Variants in PLXDC1 observed in about 807,000 individuals in gnomAD.
PLXDC1 encodes the protein plexin domain containing 1.
Under a neutral mutation model 61.3 loss-of-function variants are expected in PLXDC1, and 39 were observed. The ratio of observed to expected loss-of-function variants is 0.64; its 90% confidence interval spans 0.49 to 0.83. PLXDC1 has a LOEUF of 0.83. Ranked by LOEUF, PLXDC1 falls within the 40% of genes least tolerant of loss-of-function variation. PLXDC1 has a pLI of 0.00. For missense variants in PLXDC1, 596 were observed against 666.5 expected, an observed-to-expected ratio of 0.89 and a Z score of 1.17; for synonymous variants, 212 against 254.5, an observed-to-expected ratio of 0.83 and a Z score of 1.59.
Position 39,087,656 on chromosome 17 carries a change from G to C in PLXDC1, c.858C>G (p.Asp286Glu), listed in dbSNP as rs200793465. 3.1e-6 allele frequency: 5 copies of C among 1,614,124 alleles called. No homozygotes were observed. Among genetic ancestry groups the C allele is most frequent in the Middle Eastern group, 3.3e-4 (2 of 6,062 alleles). The change falls in exon 8 of 14, where the codon GAC becomes GAG. Residue 286 changes from aspartate to glutamate, a missense_variant. By Grantham distance (45) the Asp-to-Glu change is conservative. Coordinates refer to ENST00000315392, the MANE Select transcript of PLXDC1 (RefSeq NM_020405.5). ...CCGACATGCTGGTGACCTTGCTGGGGTCCAGCTCTATGCGGTGATATTCAA... is the reference window on the plus strand; with the variant it reads ...CCGACATGCTGGTGACCTTGCTGGGCTCCAGCTCTATGCGGTGATATTCAA... ...SIFEYHRIEL[D>E]PSKVTSMSAV... is the part of the protein sequence containing the mutation.
chr17:39,145,400 T>G (rs555207689), intron 1 of PLXDC1, among the ~76,000 whole-genome samples: 1 of 152,238 alleles, frequency 6.6e-6, no homozygotes, highest in African/African-American at 2.4e-5. Context: ...CATCCTCATC[T>G]CACCCAACAC....
At chr17:39,108,691 C>A in intron 4 of PLXDC1, 1 of 588,316 alleles carries the variant, frequency 1.7e-6, no homozygotes, top group East Asian at 2.9e-5. Context: ...CGAGGAGACA[C>A]ACACGTGCAG....
At chr17:39,099,652 A>T (rs11079077) in intron 7 of PLXDC1, among the ~76,000 whole-genome samples, 1 of 151,956 alleles carries the variant, frequency 6.6e-6, no homozygotes, top group African/African-American at 2.4e-5. Context: ...TAAATGGAGA[A>T]GATCTGGACT....
chr17:39,088,975 GAAAA>G (rs34514199), intron 7 of PLXDC1, among the ~76,000 whole-genome samples: 7 of 122,540 alleles, frequency 5.7e-5, no homozygotes, highest in Non-Finnish European at 7.0e-5. Flanking sequence ...GAGAGAGAGA[GAAAA>G]AGAAAGAAAG....
Position 39,109,407 on chromosome 17 carries a change from A to G in PLXDC1, c.256-16T>C, listed in dbSNP as rs1475360302. 4 of 1,571,308 alleles carry G rather than the reference A, an allele frequency of 2.5e-6. No individual in the cohort carries two copies. The highest frequency in any genetic ancestry group is 2.3e-5 in the East Asian group (1 of 43,260). ...GGTTGTCCTCCTGCCGGCACCCAAG[A>G]TAAAGCCCACAGGAGGTGTGAGTAG... On this transcript the variant is annotated splice_polypyrimidine_tract_variant and intron_variant, in intron 2 of 13. Transcript: ENST00000315392.
At chr17:39,103,260 G>A (rs922985042) in intron 7 of PLXDC1, among the ~76,000 whole-genome samples, 2 of 151,890 alleles carry the variant, frequency 1.3e-5, no homozygotes, top group African/African-American at 2.4e-5. Context: ...TGGGCTCAGT[G>A]ACCCAGGCCA....
chr17:39,091,705 C>G (rs147017398), intron 7 of PLXDC1, among the ~76,000 whole-genome samples: 2 of 152,168 alleles, frequency 1.3e-5, no homozygotes, highest in African/African-American at 4.8e-5. Flanking sequence ...CACCTGTAAT[C>G]TCAGCATTTT....
intron 7 of PLXDC1, among the ~76,000 whole-genome samples, chr17:39,100,853 G>T (rs528755891): frequency 6.6e-6 from 1 of 152,222 alleles, no homozygotes; most frequent in African/African-American, 2.4e-5. Flanking sequence ...GACTGGGAGC[G>T]CAGGGGGCTA....
intron 7 of PLXDC1, among the ~76,000 whole-genome samples, chr17:39,093,897 A>G (rs1375772469): frequency 6.6e-6 from 1 of 152,198 alleles, no homozygotes; most frequent in African/African-American, 2.4e-5. Context: ...GGAACCCTCC[A>G]TGGAAAGCTG....
At chr17:39,079,338 G>A (rs1015739167) in intron 9 of PLXDC1, 174 bp from the exon 10 acceptor site, 5 of 639,030 alleles carry the variant, frequency 7.8e-6, no homozygotes, top group Non-Finnish European at 1.2e-5. Flanking sequence ...GGTATTTGTG[G>A]CATCCCTGCC....
chr17:39,151,579 G>C lies in PLXDC1; in HGVS notation c.-142C>G. On this transcript the variant is annotated 5_prime_UTR_variant, in exon 1 of 14. Coordinates refer to ENST00000315392, the MANE Select transcript of PLXDC1 (RefSeq NM_020405.5). The surrounding 1 kb of genome is among the most constrained non-coding windows in gnomAD (Gnocchi z 5.2). ...AGGAGACGGCGGAGCGCGGGGCCGG[G>C]CGAGCCGGCAGGAGCGGCGAGAGCG... The C allele has an allele frequency of 8.5e-7, 1 of 1,182,270 alleles. No individual in the cohort carries two copies. The highest frequency in any genetic ancestry group is 1.0e-6 in the Non-Finnish European group (1 of 955,874). 73.2% of individuals were successfully genotyped at this position (1,182,270 alleles called of 1,614,324 possible).
intron 7 of PLXDC1, chr17:39,096,867 G>A: frequency 4.3e-6 from 2 of 469,550 alleles, no homozygotes; most frequent in South Asian, 3.1e-5. Context: ...CAGCCACATA[G>A]CGGATACACT....
chr17:39,084,969 C>T (rs1486242195), intron 8 of PLXDC1, among the ~76,000 whole-genome samples: 2 of 152,214 alleles, frequency 1.3e-5, no homozygotes, highest in Non-Finnish European at 2.9e-5. Flanking sequence ...GACAGGCACT[C>T]ACCCAGAACA....
intron 7 of PLXDC1, among the ~76,000 whole-genome samples, chr17:39,104,574 A>G (rs1910530814): frequency 6.6e-6 from 1 of 152,174 alleles, no homozygotes; most frequent in South Asian, 2.1e-4. Flanking sequence ...GTGTGAGTTC[A>G]GGAGTTTGAG....
chr17:39,100,507 G>A (rs1216345738), intron 7 of PLXDC1, among the ~76,000 whole-genome samples: 1 of 152,154 alleles, frequency 6.6e-6, no homozygotes, highest in Admixed American at 6.5e-5. Flanking sequence ...CCCCTGCCTT[G>A]GCCTCCCAAA....
intron 2 of PLXDC1, among the ~76,000 whole-genome samples, chr17:39,122,198 T>A (rs1420369418): frequency 6.8e-6 from 1 of 147,528 alleles, no homozygotes; most frequent in African/African-American, 2.5e-5. Flanking sequence ...AAGTCAGGAG[T>A]TTGAGACCAG....
intron 2 of PLXDC1, among the ~76,000 whole-genome samples, chr17:39,128,141 A>ATATATATATG (rs1911401066): frequency 8.8e-6 from 1 of 113,260 alleles, no homozygotes; most frequent in Non-Finnish European, 1.7e-5. Flanking sequence ...ATATATATGT[A>ATATATATATG]TATATATGTG....
At chr17:39,106,121 C>T (rs1989955) in intron 6 of PLXDC1, among the ~76,000 whole-genome samples, 168 bp from the exon 7 acceptor site, 110,426 of 151,260 alleles carry the variant, frequency 0.73, 41,306 homozygotes, top group South Asian at 0.88. Flanking sequence ...CCTCTCCACA[C>T]CACCTCCAAG....
chr17:39,121,321 CTAAAATGTA>C (rs148255525), intron 2 of PLXDC1, among the ~76,000 whole-genome samples: 2,672 of 152,248 alleles, frequency 0.018, 83 homozygotes, highest in African/African-American at 0.061. Context: ...TTCTGCTTCC[CTAAAATGTA>C]TAAAGCAGAG....
Sources: allele counts gnomAD v4.1 joint callset (sites outside exome capture counted in the v4.1 genomes callset), GRCh38; gene constraint gnomAD v4.1.1; non-coding constraint Gnocchi (gnomAD v3.1); transcripts MANE v1.5; gene names NCBI Gene and HGNC (gene_info 2026-07-23, HGNC 2026-07-21).